Variants in SLC6A17 observed in about 807,000 individuals in gnomAD.
The protein encoded by SLC6A17 is sodium-dependent neutral amino acid transporter SLC6A17.
A neutral mutation model predicts 64.5 loss-of-function variants in SLC6A17; 21 were observed. The observed-to-expected ratio is 0.33, with a 90% confidence interval of 0.23 to 0.47. The LOEUF (loss-of-function observed/expected upper bound fraction) is 0.47, where lower values mean the gene tolerates loss of function less well. Among genes scored for constraint, SLC6A17 ranks in the 20% least tolerant of loss-of-function variants. The pLI is 1.00. For missense variants in SLC6A17, 682 were observed against 963.2 expected (o/e 0.71, Z 3.86); for synonymous variants, 372 against 399.5 (o/e 0.93, Z 0.82).
chr1:110,166,251 T>C (rs1279539235), intron 1 of SLC6A17: 3 of 151,376 alleles, frequency 2.0e-5, no homozygotes, highest in Non-Finnish European at 4.4e-5. Flanking sequence ...TCGGCACTGG[T>C]GTCCAGGGGC....
intron 6 of SLC6A17, among the ~76,000 whole-genome samples, chr1:110,190,160 CA>C (rs1656787705): frequency 6.6e-6 from 1 of 152,088 alleles, no homozygotes; most frequent in South Asian, 2.1e-4. Context: ...AATAAGTACA[CA>C]GGGGTGGGCT....
chr1:110,189,936 C>T (rs1656782715), intron 6 of SLC6A17, among the ~76,000 whole-genome samples: 1 of 152,238 alleles, frequency 6.6e-6, no homozygotes, highest in Non-Finnish European at 1.5e-5. Flanking sequence ...CTTCACAGCC[C>T]TTGTCACATT....
chr1:110,187,529 A>C (rs1337972932), intron 6 of SLC6A17, among the ~76,000 whole-genome samples: 1 of 152,204 alleles, frequency 6.6e-6, no homozygotes, highest in Admixed American at 6.5e-5. Context: ...TTTAGGCCAA[A>C]CTTAAAATAT....
At chr1:110,173,901 C>T in intron 3 of SLC6A17, 72 bp from the exon 4 acceptor site, 7 of 1,529,568 alleles carry the variant, frequency 4.6e-6, no homozygotes, top group South Asian at 4.0e-5. Flanking sequence ...ACGTGCTGGG[C>T]CTCGGGTGGA....
chr1:110,166,775 G>A, intron 1 of SLC6A17, 68 bp from the exon 2 acceptor site: 1 of 945,360 alleles, frequency 1.1e-6, no homozygotes, highest in Non-Finnish European at 1.5e-6. Context: ...TTTGGGTTGT[G>A]TCCACGTTGG....
intron 2 of SLC6A17, among the ~76,000 whole-genome samples, chr1:110,169,736 G>C (rs918150827): frequency 6.6e-6 from 1 of 152,140 alleles, no homozygotes; most frequent in Admixed American, 6.6e-5. Context: ...ACAACTTTAG[G>C]CTCCTGAAAG....
intron 6 of SLC6A17, among the ~76,000 whole-genome samples, chr1:110,191,056 C>T (rs1656812843): frequency 6.6e-6 from 1 of 152,216 alleles, no homozygotes; most frequent in Admixed American, 6.5e-5. Context: ...CCACTACGTA[C>T]AGGCATTACT....
chr1:110,195,900 C>T (rs946105121), intron 10 of SLC6A17, among the ~76,000 whole-genome samples, 155 bp downstream of exon 10: 1 of 152,154 alleles, frequency 6.6e-6, no homozygotes, highest in South Asian at 2.1e-4. Context: ...ACATGGCTGC[C>T]TAAGGCCACT....
At chr1:110,171,989 G>C (rs1297610819) in intron 2 of SLC6A17, 71 bp from the exon 3 acceptor site, 1 of 1,562,094 alleles carries the variant, frequency 6.4e-7, no homozygotes, top group Non-Finnish European at 8.7e-7. Context: ...GGAAGACATG[G>C]CTGCGGCCCC....
intron 1 of SLC6A17, among the ~76,000 whole-genome samples, chr1:110,159,029 T>G (rs1414076102): frequency 3.9e-5 from 6 of 152,320 alleles, no homozygotes; most frequent in African/African-American, 1.2e-4. Context: ...TCAGCTTCCA[T>G]GTCTTCATTT....
intron 6 of SLC6A17, among the ~76,000 whole-genome samples, chr1:110,181,811 A>G (rs1285743723): frequency 6.6e-6 from 1 of 152,116 alleles, no homozygotes; most frequent in Non-Finnish European, 1.5e-5. Flanking sequence ...AGGACTTGAG[A>G]CTGGCTGTGG....
At chr1:110,183,264 A>G (rs1656580519) in intron 6 of SLC6A17, among the ~76,000 whole-genome samples, 1 of 152,252 alleles carries the variant, frequency 6.6e-6, no homozygotes. Context: ...TGGTATATGC[A>G]TACAGTGGGA....
chr1:110,188,479 A>T (rs540837016), intron 6 of SLC6A17, among the ~76,000 whole-genome samples: 1 of 152,276 alleles, frequency 6.6e-6, no homozygotes, highest in South Asian at 2.1e-4. Context: ...TCCCCAGCAG[A>T]TGATTTTGCC....
chr1:110,176,738 A>G lies in SLC6A17; in HGVS notation c.863A>G (p.Lys288Arg). ...VDGILHMFTP[K>R]LDKMLDPQVW... is the part of the protein sequence containing the mutation. ...GGCATCCTACACATGTTCACTCCCA[A>G]GGTAAGGGTTTGGGGCTCCCACATG... Residue 288 changes from lysine (K) to arginine (R), a missense_variant and splice_region_variant, in exon 6 of 12, where the codon AAG becomes AGG. Lys to Arg is a conservative substitution (Grantham distance 26). Around this residue, in one of 3 missense-constraint regions of SLC6A17, gnomAD observed 415 missense variants for 603.8 expected, o/e 0.69. Transcript: ENST00000331565. 1 of 1,612,574 alleles carries G rather than the reference A, an allele frequency of 6.2e-7. No homozygotes were observed. The highest frequency in any genetic ancestry group is 8.5e-7 in the Non-Finnish European group (1 of 1,179,076).
rs1238042514 is a variant in SLC6A17, at chr1:110,199,653, G to C, written c.*1209G>C. The C allele has an allele frequency of 3.4e-6, 1 of 293,330 alleles. No homozygotes were observed. Among genetic ancestry groups the C allele is most frequent in the African/African-American group, 2.2e-5 (1 of 46,270 alleles). 18.2% of individuals were successfully genotyped at this position (293,330 alleles called of 1,614,324 possible). ...CACAGTGGCCAGTGCCATAGGCAGT[G>C]CTGTGGACAGTAGAGGCTGCCAAAG... On this transcript the variant is annotated 3_prime_UTR_variant, in exon 12 of 12. Coordinates refer to ENST00000331565, the MANE Select transcript of SLC6A17 (RefSeq NM_001010898.4).
chr1:110,187,356 T>G (rs1656712664), intron 6 of SLC6A17, among the ~76,000 whole-genome samples: 1 of 152,168 alleles, frequency 6.6e-6, no homozygotes, highest in African/African-American at 2.4e-5. Flanking sequence ...GGAAGTGAGG[T>G]GCAGAAACAG....
intron 2 of SLC6A17, 30 bp downstream of exon 2, chr1:110,167,245 TC>T: frequency 1.9e-6 from 3 of 1,589,856 alleles, no homozygotes; most frequent in Non-Finnish European, 2.6e-6. Flanking sequence ...GCATCAGGGG[TC>T]CCCTGCAAAT....
intron 6 of SLC6A17, among the ~76,000 whole-genome samples, chr1:110,189,278 C>A (rs1656765317): frequency 6.6e-6 from 1 of 152,178 alleles, no homozygotes; most frequent in Non-Finnish European, 1.5e-5. Context: ...CCTGATCCTC[C>A]CTGCCCAACA....
At chr1:110,163,235 G>A (rs116452986) in intron 1 of SLC6A17, among the ~76,000 whole-genome samples, 2,195 of 151,966 alleles carry the variant, frequency 0.014, 39 homozygotes, top group Middle Eastern at 0.041. Flanking sequence ...CTTTCTAGGG[G>A]GTGCCCTAGG....
Sources: gnomAD v4.1 joint callset for allele counts (sites outside exome capture counted in the v4.1 genomes callset) on GRCh38, gnomAD v4.1.1 for gene constraint, gnomAD v4.1.1 regional missense constraint, MANE v1.5 for transcripts, NCBI Gene and HGNC (gene_info 2026-07-23, HGNC 2026-07-21) for gene names.